The following KCNQ5 variants were observed in gnomAD, a reference collection of about 807,000 sequenced individuals.
KCNQ5 encodes potassium voltage-gated channel subfamily Q member 5, also known as potassium voltage-gated channel subfamily KQT member 5.
A neutral mutation model predicts 98.2 loss-of-function variants in KCNQ5; 30 were observed. The ratio of observed to expected loss-of-function variants is 0.31; its 90% confidence interval spans 0.23 to 0.41. The LOEUF is 0.41. Among genes scored for constraint, KCNQ5 ranks in the 10% least tolerant of loss-of-function variants. The probability of loss-of-function intolerance (pLI) is 1.00; values close to 1 mark genes in which losing one functional copy is unlikely to be tolerated. For missense variants in KCNQ5, 835 were observed against 1,182.5 expected, an observed-to-expected ratio of 0.71 and a Z score of 4.31; for synonymous variants, 458 against 449.4, an observed-to-expected ratio of 1.02 and a Z score of -0.24.
intron 1 of KCNQ5, among the ~76,000 whole-genome samples, chr6:72,647,595 G>C (rs78368787): frequency 1.1e-3 from 163 of 152,260 alleles, no homozygotes; most frequent in Non-Finnish European, 1.9e-3. Context: ...AACTTCCCTA[G>C]GTTTCTGATA....
intron 1 of KCNQ5, among the ~76,000 whole-genome samples, chr6:72,732,297 G>A (rs933170280): frequency 3.9e-5 from 6 of 152,112 alleles, no homozygotes; most frequent in African/African-American, 1.4e-4. Flanking sequence ...GGAAGCCTGA[G>A]TAGGGGAGTA....
At chr6:72,845,555 C>A (rs962916167) in intron 1 of KCNQ5, among the ~76,000 whole-genome samples, 1 of 152,126 alleles carries the variant, frequency 6.6e-6, no homozygotes, top group Admixed American at 6.6e-5. Context: ...CAGATGAAAA[C>A]ATCAGTTGCA....
chr6:72,917,447 A>T (rs61023015), intron 1 of KCNQ5, among the ~76,000 whole-genome samples: 3 of 146,000 alleles, frequency 2.1e-5, no homozygotes, highest in African/African-American at 2.5e-5. Flanking sequence ...CCATTTTTTT[A>T]TTTTTATTTT....
rs544929494 is a variant in KCNQ5, at chr6:72,756,988, T to C, written c.398+134401T>C. ...TTAAATCAGAATTAAGGTGATCATCTACATATTGAAAGCTGCCTTCCAAAT... is the reference window on the plus strand; with the variant it reads ...TTAAATCAGAATTAAGGTGATCATCCACATATTGAAAGCTGCCTTCCAAAT... On this transcript the variant is annotated intron_variant, in intron 1 of 13. Coordinates refer to ENST00000370398, the MANE Select transcript of KCNQ5 (RefSeq NM_019842.4). Among the ~76,000 whole-genome samples, 18 of 152,260 alleles carry C rather than the reference T, an allele frequency of 1.2e-4. No homozygotes were observed. In the East Asian group the frequency reaches 3.3e-3, roughly 28 times the overall value.
intron 5 of KCNQ5, among the ~76,000 whole-genome samples, chr6:73,093,477 G>C (rs1251031847): frequency 6.6e-6 from 1 of 152,006 alleles, no homozygotes; most frequent in East Asian, 1.9e-4. Context: ...TGCTTCTCTA[G>C]TTCCTTGAGG....
intron 1 of KCNQ5, among the ~76,000 whole-genome samples, chr6:72,859,407 T>C (rs1295595009): frequency 6.9e-6 from 1 of 144,634 alleles, no homozygotes; most frequent in Non-Finnish European, 1.6e-5. Context: ...TAATGTACCC[T>C]TGTTTTCCCC....
At chr6:73,129,503 A>G (rs1776130853) in intron 9 of KCNQ5, among the ~76,000 whole-genome samples, 1 of 152,228 alleles carries the variant, frequency 6.6e-6, no homozygotes, top group Admixed American at 6.5e-5. Context: ...TATTTATTAC[A>G]GGGGTAGCTA....
chr6:73,050,582 C>T (rs189659896), intron 3 of KCNQ5, among the ~76,000 whole-genome samples: 47 of 152,208 alleles, frequency 3.1e-4, no homozygotes, highest in African/African-American at 1.0e-3. Flanking sequence ...TTGAATTTCA[C>T]CAGTTTTTAC....
At position 73,141,449 on chromosome 6, in the gene KCNQ5, G is replaced by GA. The variant is rs560247987; in HGVS notation, c.1468+7809dup. Among the ~76,000 whole-genome samples, 376 of 152,300 alleles carry GA rather than the reference G, an allele frequency of 2.5e-3. 1 individual carries two copies. Among genetic ancestry groups the GA allele is most frequent in the Middle Eastern group, 0.017 (5 of 294 alleles). On this transcript the variant is annotated intron_variant, in intron 10 of 13. Transcript: ENST00000370398. The stretch of plus-strand genomic sequence containing the variant: ...GGGAAATGCTTTTCTATTTTGATAA[G>GA]ACTGAAGTTCCACCTGGCTTTCTAC...
At chr6:72,936,761 G>A (rs1475792112) in intron 1 of KCNQ5, among the ~76,000 whole-genome samples, 3 of 152,150 alleles carry the variant, frequency 2.0e-5, no homozygotes, top group Admixed American at 2.0e-4. Flanking sequence ...CAAATTCTTG[G>A]CTTTTGTCAA....
At chr6:72,870,812 T>C (rs1422392418) in intron 1 of KCNQ5, among the ~76,000 whole-genome samples, 2 of 152,200 alleles carry the variant, frequency 1.3e-5, no homozygotes, top group Non-Finnish European at 2.9e-5. Flanking sequence ...GTAATGCAGA[T>C]TTCTTATGTA....
At chr6:72,939,082 G>T (rs1766102009) in intron 1 of KCNQ5, among the ~76,000 whole-genome samples, 1 of 152,174 alleles carries the variant, frequency 6.6e-6, no homozygotes, top group South Asian at 2.1e-4. Context: ...GACATGCCTT[G>T]TCTGGAAATG....
chr6:72,960,033 T>C (rs1340824555), intron 1 of KCNQ5, among the ~76,000 whole-genome samples: 3 of 152,358 alleles, frequency 2.0e-5, no homozygotes, highest in African/African-American at 7.2e-5. Flanking sequence ...CACGCTATTT[T>C]GCGTATGCTG....
At chr6:73,180,204 A>T (rs756581764) in intron 11 of KCNQ5, among the ~76,000 whole-genome samples, 1 of 152,130 alleles carries the variant, frequency 6.6e-6, no homozygotes, top group Non-Finnish European at 1.5e-5. Flanking sequence ...CCAAATGATC[A>T]TTGTCATCAC....
At chr6:72,624,224 A>G (rs1053991545) in intron 1 of KCNQ5, among the ~76,000 whole-genome samples, 2 of 152,228 alleles carry the variant, frequency 1.3e-5, no homozygotes, top group Non-Finnish European at 2.9e-5. Flanking sequence ...ATCTCCTCTG[A>G]CCTGATATGT....
At chr6:72,841,853 G>A (rs969691041) in intron 1 of KCNQ5, among the ~76,000 whole-genome samples, 8 of 152,096 alleles carry the variant, frequency 5.3e-5, no homozygotes, top group African/African-American at 1.9e-4. Flanking sequence ...AAACATTTGA[G>A]GAATGTTGAC....
chr6:73,057,155 A>G (rs1375202652), intron 3 of KCNQ5, among the ~76,000 whole-genome samples: 2 of 152,202 alleles, frequency 1.3e-5, no homozygotes, highest in African/African-American at 4.8e-5. Context: ...GCCATAAAAA[A>G]GGATGAGTTC....
intron 3 of KCNQ5, chr6:73,042,264 A>G: frequency 1.7e-6 from 1 of 597,210 alleles, no homozygotes; most frequent in South Asian, 2.0e-5. Context: ...TATTATCCCC[A>G]TTTTACAGTT....
At chr6:72,867,654 C>A (rs1267591554) in intron 1 of KCNQ5, among the ~76,000 whole-genome samples, 2 of 152,096 alleles carry the variant, frequency 1.3e-5, no homozygotes, top group South Asian at 2.1e-4. Flanking sequence ...ACTGGAGATT[C>A]TGGCTGAGTA....
Sources: gnomAD v4.1 joint callset for allele counts (sites outside exome capture counted in the v4.1 genomes callset) on GRCh38, gnomAD v4.1.1 for gene constraint, MANE v1.5 for transcripts, NCBI Gene and HGNC (gene_info 2026-07-23, HGNC 2026-07-21) for gene names.